Variants in ABCA9 observed in about 807,000 individuals in gnomAD.
ABCA9 encodes the protein ATP-binding cassette sub-family A member 9.
A neutral mutation model predicts 205.3 loss-of-function variants in ABCA9; 183 were observed. The ratio of observed to expected loss-of-function variants is 0.89; its 90% CI spans 0.79 to 1.01. The LOEUF is 1.01. ABCA9 is among the 50% of genes least tolerant of loss of function. The pLI, the probability that ABCA9 is intolerant of heterozygous loss-of-function variation, is 0.00. For synonymous variants in ABCA9, 651 were observed against 683.3 expected (o/e 0.95, Z 0.74); for missense variants, 1,805 against 1,912.4 (o/e 0.94, Z 1.05).
the ABCA9 span, among the ~76,000 whole-genome samples, chr17:69,067,578 A>AAG: frequency 2.7e-5 from 4 of 147,664 alleles, no homozygotes; most frequent in African/African-American, 4.9e-5. Flanking sequence ...AAAAAAAAGA[A>AAG]AGAGAGAGAG....
chr17:69,056,751 G>C (rs562765518), intron 1 of ABCA9, among the ~76,000 whole-genome samples: 1 of 152,198 alleles, frequency 6.6e-6, no homozygotes, highest in African/African-American at 2.4e-5. Context: ...AGCCTAATTA[G>C]ATAGGATATA....
intron 6 of ABCA9, chr17:69,042,920 G>A (rs532077860): frequency 6.6e-6 from 1 of 152,424 alleles, no homozygotes; most frequent in South Asian, 2.1e-4. Context: ...GATGGTTTTG[G>A]GATGATGCAT....
chr17:69,054,389 T>C (rs2072002782), intron 1 of ABCA9, among the ~76,000 whole-genome samples: 1 of 151,704 alleles, frequency 6.6e-6, no homozygotes, highest in Non-Finnish European at 1.5e-5. Flanking sequence ...TAGTGAGGCA[T>C]GATGGCTTAT....
At chr17:69,046,899 ATATATATATATAT>A (rs1567971295) in intron 3 of ABCA9, among the ~76,000 whole-genome samples, 4 of 112,280 alleles carry the variant, frequency 3.6e-5, no homozygotes, top group Admixed American at 1.0e-4. Context: ...ATATATATAT[ATATATATATATAT>A]AAAATTTTAT....
At chr17:69,007,402 G>GAAAGAA (rs1353541056) in intron 25 of ABCA9, among the ~76,000 whole-genome samples, 1 of 151,978 alleles carries the variant, frequency 6.6e-6, no homozygotes, top group Non-Finnish European at 1.5e-5. Flanking sequence ...CTCTGTCTCA[G>GAAAGAA]AAAGAAAAAG....
Position 69,012,021 on chromosome 17 carries a change from G to A in ABCA9, c.3102C>T (p.Ala1034=), listed in dbSNP as rs1479621365. The change falls in exon 23 of 39, where the codon GCC becomes GCT. Residue 1034 remains alanine (A), a synonymous_variant. Coordinates refer to ENST00000340001, the MANE Select transcript of ABCA9 (RefSeq NM_080283.4). The stretch of plus-strand genomic sequence containing the variant: ...TCATTGCAATGTATGGAGTGAAAGA[G>A]GCTGCCATCGGTATCCAGAAGAAGG... ...SNTFFWIPMA[A]SFTPYIAMSS... is the part of the protein sequence containing the mutation. 2 of 1,612,982 alleles carry A rather than the reference G, an allele frequency of 1.2e-6. No individual in the cohort carries two copies. The highest frequency in any genetic ancestry group is 1.7e-6 in the Non-Finnish European group (2 of 1,179,494).
chr17:69,027,596 C>T (rs759797730), intron 13 of ABCA9, 44 bp downstream of exon 13: 23 of 1,589,116 alleles, frequency 1.4e-5, no homozygotes, highest in Middle Eastern at 1.7e-4. Context: ...CTAGATAAAC[C>T]GTCTCTTTTT....
intron 26 of ABCA9, among the ~76,000 whole-genome samples, chr17:68,994,816 T>G (rs1441310491): frequency 1.3e-5 from 2 of 152,346 alleles, no homozygotes; most frequent in East Asian, 1.9e-4. Context: ...CACCTATTCA[T>G]GGACTTGACT....
At position 69,029,216 on chromosome 17, in the gene ABCA9, A is replaced by C. The variant is rs142916779; in HGVS notation, c.1457T>G (p.Leu486Arg). 74 of 1,559,736 alleles carry C rather than the reference A, an allele frequency of 4.7e-5. No homozygotes were observed. The Admixed American group carries it at 9.1e-4, about 19-fold the overall frequency. The change falls in exon 11 of 39, where the codon CTT becomes CGT. Residue 486 changes from leucine (L) to arginine (R), a missense_variant. Physicochemically the swap from Leu to Arg is moderately radical, Grantham distance 102. Coordinates refer to ENST00000340001, the MANE Select transcript of ABCA9 (RefSeq NM_080283.4). Reference protein sequence around the residue: ...CGKEAIRIKNLKKEYAGKCER... With the variant: ...CGKEAIRIKNRKKEYAGKCER... Reference sequence around the variant, plus strand: ...ACACTTCCCTGCATATTCTTTTTTAAGATTTTTGATTCTGAAAAAAAGAGG... The same window carrying C: ...ACACTTCCCTGCATATTCTTTTTTACGATTTTTGATTCTGAAAAAAAGAGG...
chr17:69,055,579 C>T (rs1415955012), intron 1 of ABCA9, among the ~76,000 whole-genome samples: 1 of 152,096 alleles, frequency 6.6e-6, no homozygotes, highest in Non-Finnish European at 1.5e-5. Flanking sequence ...ACTTCATCAC[C>T]TCTCTTGGCA....
chr17:68,980,124 G>A (rs1002256401), intron 37 of ABCA9, among the ~76,000 whole-genome samples: 4 of 152,116 alleles, frequency 2.6e-5, no homozygotes, highest in African/African-American at 9.7e-5. Context: ...AGTGGACAAA[G>A]GATATGAACA....
the ABCA9 span, among the ~76,000 whole-genome samples, chr17:69,066,875 C>T: frequency 6.6e-6 from 1 of 152,112 alleles, no homozygotes; most frequent in African/African-American, 2.4e-5. Flanking sequence ...AGAAATGCTC[C>T]TTGAAACTAA....
intron 3 of ABCA9, 69 bp from the exon 4 acceptor site, chr17:69,045,405 T>C: frequency 7.0e-7 from 1 of 1,432,464 alleles, no homozygotes; most frequent in Non-Finnish European, 9.3e-7. Flanking sequence ...TTCAATTATG[T>C]TGAGGTTATT....
chr17:69,040,633 G>T (rs2071500548), intron 6 of ABCA9, among the ~76,000 whole-genome samples: 1 of 152,114 alleles, frequency 6.6e-6, no homozygotes, highest in South Asian at 2.1e-4. Context: ...ATGAAAGGTT[G>T]ATGGTTGCAG....
intron 29 of ABCA9, among the ~76,000 whole-genome samples, chr17:68,990,336 C>A (rs2069407098): frequency 6.6e-6 from 1 of 152,200 alleles, no homozygotes; most frequent in Non-Finnish European, 1.5e-5. Flanking sequence ...AAAACCACAA[C>A]CCTGAAAAAT....
intron 21 of ABCA9, 67 bp downstream of exon 21, chr17:69,017,589 T>C: frequency 1.9e-6 from 3 of 1,560,012 alleles, no homozygotes; most frequent in Non-Finnish European, 2.6e-6. Context: ...TCAGCTGATA[T>C]GAATTATTCA....
chr17:69,049,599 A>G, intron 2 of ABCA9, 109 bp from the exon 3 acceptor site: 1 of 909,596 alleles, frequency 1.1e-6, no homozygotes, highest in Non-Finnish European at 1.6e-6. Flanking sequence ...CTTGCATTCC[A>G]TTTATTCTTT....
chr17:69,005,065 C>T (rs980952679), intron 25 of ABCA9, among the ~76,000 whole-genome samples: 1 of 152,224 alleles, frequency 6.6e-6, no homozygotes. Flanking sequence ...GATGGAAATG[C>T]AGAAATCACC....
rs4020779 is a variant in ABCA9 at position 69,041,729 on chromosome 17, T to TTATCTATCTATCTATCTATC, written c.800+1740_800+1759dup. Among the ~76,000 whole-genome samples the TTATCTATCTATCTATCTATC allele has an allele frequency of 3.8e-3, 565 of 149,456 alleles. 3 individuals are homozygous for TTATCTATCTATCTATCTATC. The highest frequency in any genetic ancestry group is 7.5e-3 in the Admixed American group (112 of 14,898). On this transcript the variant is annotated intron_variant, in intron 6 of 38. Coordinates refer to ENST00000340001, the MANE Select transcript of ABCA9 (RefSeq NM_080283.4). Reference sequence around the variant, plus strand: ...AAAAAAATAAAAAAAAAGAAAGAAATTATCTATCTATCTATCTATCTATCT... The same window carrying TTATCTATCTATCTATCTATC: ...AAAAAAATAAAAAAAAAGAAAGAAATTATCTATCTATCTATCTATCTATCTATCTATCTATCTATCTATCT...
Sources: gnomAD v4.1 joint callset for allele counts (sites outside exome capture counted in the v4.1 genomes callset) on GRCh38, gnomAD v4.1.1 for gene constraint, MANE v1.5 for transcripts, NCBI Gene and HGNC (gene_info 2026-07-23, HGNC 2026-07-21) for gene names.